Variants in TRIM69 observed in about 807,000 individuals in gnomAD.
TRIM69 encodes the protein tripartite motif containing 69, also known as E3 ubiquitin-protein ligase TRIM69.
A neutral mutation model predicts 37.7 loss-of-function variants in TRIM69; 29 were observed. The observed-to-expected ratio is 0.77, with a 90% CI of 0.57 to 1.05. The LOEUF is 1.05. Among genes scored for constraint, TRIM69 ranks in the 50% least tolerant of loss-of-function variants. The probability of loss-of-function intolerance (pLI) is 0.00; values close to 1 mark genes in which losing one functional copy is unlikely to be tolerated. For missense variants in TRIM69, 596 were observed against 579.9 expected (o/e 1.03, Z -0.28); for synonymous variants, 209 against 212.4 (o/e 0.98, Z 0.14).
intron 3 of TRIM69, 119 bp downstream of exon 3, chr15:44,756,582 T>C: frequency 1.5e-6 from 1 of 651,902 alleles, no homozygotes; most frequent in Non-Finnish European, 2.6e-6. Context: ...GTACCTAGGC[T>C]ATGGAATTGG....
intron 1 of TRIM69, among the ~76,000 whole-genome samples, chr15:44,739,072 G>C (rs1157051636): frequency 6.6e-6 from 1 of 152,102 alleles, no homozygotes; most frequent in East Asian, 1.9e-4. Context: ...ACAATTCAGT[G>C]ATTTATAGCA....
chr15:44,749,367 C>A (rs764541809), intron 1 of TRIM69, among the ~76,000 whole-genome samples: 1 of 152,164 alleles, frequency 6.6e-6, no homozygotes, highest in African/African-American at 2.4e-5. Context: ...CAGTCACTTC[C>A]AGTGATATGA....
At chr15:44,746,986 G>A (rs1016730791) in intron 1 of TRIM69, among the ~76,000 whole-genome samples, 5 of 152,148 alleles carry the variant, frequency 3.3e-5, no homozygotes, top group South Asian at 2.1e-4. Context: ...TATGAGGAAG[G>A]ACTGCCAAAT....
In TRIM69 at chr15:44,738,050, C is replaced by CTTT. The variant is rs772041054; in HGVS notation, c.6+1341_6+1343dup. ...AAGGAGGAAGATACATACTTTCTTT[C>CTTT]TTTCTTTTTTTTTTTTTTTTTTTTT... On this transcript the variant is annotated intron_variant, in intron 1 of 6. Transcript: ENST00000329464. Among the ~76,000 whole-genome samples the CTTT allele has an allele frequency of 2.0e-4, 24 of 118,000 alleles. 1 individual carries two copies. The highest frequency in any genetic ancestry group is 8.0e-4 in the African/African-American group (24 of 30,108). The allele number at this position is 118,000 out of a possible 152,430, so 77.4% of individuals were successfully genotyped here.
chr15:44,755,734 T>G (rs1422803123), intron 2 of TRIM69, among the ~76,000 whole-genome samples: 1 of 152,252 alleles, frequency 6.6e-6, no homozygotes, highest in African/African-American at 2.4e-5. Flanking sequence ...AATATTAAGA[T>G]AGCCTCGTGT....
intron 6 of TRIM69, among the ~76,000 whole-genome samples, chr15:44,766,943 C>T (rs539565514): frequency 1.0e-3 from 155 of 147,928 alleles, no homozygotes; most frequent in African/African-American, 3.7e-3. Context: ...CCTGTAATCC[C>T]AGCTATTTGG....
Position 44,755,338 on chromosome 15 carries a change from G to A in TRIM69, c.445G>A (p.Glu149Lys). The A allele has an allele frequency of 1.2e-6, 2 of 1,613,872 alleles. No homozygotes were observed. The highest frequency in any genetic ancestry group is 1.7e-6 in the Non-Finnish European group (2 of 1,180,000). The change falls in exon 2 of 7, where the codon GAG becomes AAG. Residue 149 changes from glutamate (E) to lysine (K), a missense_variant. Coordinates refer to ENST00000329464, the MANE Select transcript of TRIM69 (RefSeq NM_182985.5). The stretch of plus-strand genomic sequence containing the variant: ...TCGGTTGTCTGTGGGGCAGTCTAAG[G>A]AGTTCCTGCAAATCTCTGATGCTGT... ...DARLSVGQSK[E>K]FLQISDAVHF...
Position 44,759,652 on chromosome 15 carries a change from C to A in TRIM69, c.826C>A (p.Leu276Ile), listed in dbSNP as rs1245378997. 1.9e-6 allele frequency: 3 copies of A among 1,614,090 alleles called. No homozygotes were observed. The highest frequency in any genetic ancestry group is 2.5e-6 in the Non-Finnish European group (3 of 1,179,958). The change falls in exon 5 of 7, where the codon CTC becomes ATC. Residue 276 changes from leucine to isoleucine, a missense_variant. Physicochemically the swap from Leu to Ile is conservative, Grantham distance 5 (BLOSUM62 2). Coordinates refer to ENST00000329464, the MANE Select transcript of TRIM69 (RefSeq NM_182985.5). ...TCCTTTCTTCTAGGACATCACAACT[C>A]TCTTACATAGGTAAGTGTTTCCCTA... is the stretch of plus-strand genomic sequence containing the variant. ...SFDFLKDITTLLHSLEQGMKV... is the reference protein window; with the variant it reads ...SFDFLKDITTILHSLEQGMKV...
In TRIM69 at chr15:44,755,154, T is replaced by A; in HGVS notation, c.261T>A (p.Tyr87Ter). 1 of 1,614,230 alleles carries A rather than the reference T, an allele frequency of 6.2e-7. No homozygotes were observed. Among genetic ancestry groups the A allele is most frequent in the Non-Finnish European group, 8.5e-7 (1 of 1,180,050 alleles). Reference sequence around the variant, plus strand: ...CTGAGTGTAAGATGCTATGTCAGTATAACAACTGTACATTCAACCCTGTAC... The same window carrying A: ...CTGAGTGTAAGATGCTATGTCAGTAAAACAACTGTACATTCAACCCTGTAC... ...FCPECKMLCQ[Y>*]NNCTFNPVLD... The change falls in exon 2 of 7, where the codon TAT becomes TAA. Residue 87 changes from tyrosine to a stop codon, truncating the protein, a stop_gained. Transcript: ENST00000329464. LOFTEE classifies it high-confidence loss of function.
intron 1 of TRIM69, among the ~76,000 whole-genome samples, chr15:44,741,900 T>A (rs1167842840): frequency 1.3e-5 from 2 of 152,186 alleles, no homozygotes; most frequent in African/African-American, 4.8e-5. Flanking sequence ...AAGGAGGAAC[T>A]GGTACCATTC....
intron 4 of TRIM69, among the ~76,000 whole-genome samples, chr15:44,759,277 T>C (rs1205662367): frequency 1.3e-5 from 2 of 152,194 alleles, no homozygotes; most frequent in Non-Finnish European, 2.9e-5. Context: ...TTGGTTACCA[T>C]CTCAGCACTC....
intron 1 of TRIM69, among the ~76,000 whole-genome samples, chr15:44,741,999 G>A (rs1019692993): frequency 6.6e-6 from 1 of 152,154 alleles, no homozygotes; most frequent in Non-Finnish European, 1.5e-5. Context: ...CCAAAGCCGG[G>A]CAGAGACACA....
intron 1 of TRIM69, among the ~76,000 whole-genome samples, chr15:44,752,284 G>A (rs1235835599): frequency 6.6e-6 from 1 of 151,988 alleles, no homozygotes; most frequent in East Asian, 1.9e-4. Flanking sequence ...CACGTATTTT[G>A]AGGCTCTGTT....
chr15:44,739,684 C>A (rs1296416996), intron 1 of TRIM69, among the ~76,000 whole-genome samples: 1 of 151,982 alleles, frequency 6.6e-6, no homozygotes, highest in Non-Finnish European at 1.5e-5. Flanking sequence ...GGGAGGGGCG[C>A]CCACCATTGC....
At chr15:44,761,941 C>T (rs1329905531) in intron 6 of TRIM69, among the ~76,000 whole-genome samples, 1 of 152,086 alleles carries the variant, frequency 6.6e-6, no homozygotes, top group Non-Finnish European at 1.5e-5. Context: ...TTTTTTCTCA[C>T]TCCATGGCTT....
chr15:44,762,510 G>C (rs1489133271), intron 6 of TRIM69, among the ~76,000 whole-genome samples: 3 of 151,786 alleles, frequency 2.0e-5, no homozygotes, highest in Non-Finnish European at 4.4e-5. Context: ...TAGACAACTT[G>C]ATATTGTCAA....
chr15:44,759,900 T>G (rs1445292581), intron 6 of TRIM69, 28 bp downstream of exon 6: 1 of 1,595,348 alleles, frequency 6.3e-7, no homozygotes, highest in East Asian at 2.3e-5. Flanking sequence ...CTATTGGTTC[T>G]TGAGGCTCCT....
Position 44,767,032 on chromosome 15 carries a change from C to T in TRIM69, c.962-199C>T, listed in dbSNP as rs555677288. Among the ~76,000 whole-genome samples, 4 of 110,452 alleles carry T rather than the reference C, an allele frequency of 3.6e-5. No homozygotes were observed. In the East Asian group the frequency reaches 1.1e-3, roughly 31 times the overall value. 72.5% of individuals were successfully genotyped at this position (110,452 alleles called of 152,430 possible). A position where few individuals can be genotyped will look rare whatever the true frequency, so the allele number is the denominator to read the frequency against. On this transcript the variant is annotated intron_variant, in intron 6 of 6. Transcript: ENST00000329464. ...CGAGATCGCACCACTGCACTCCAGCCCTGGGCAACCTTGTCTGCCTCAAAA... is the reference window on the plus strand; with the variant it reads ...CGAGATCGCACCACTGCACTCCAGCTCTGGGCAACCTTGTCTGCCTCAAAA...
chr15:44,750,950 C>CTTTTT (rs71111890), intron 1 of TRIM69, among the ~76,000 whole-genome samples: 3 of 33,550 alleles, frequency 8.9e-5, no homozygotes, highest in African/African-American at 3.7e-4. Context: ...TTTCTTTTGC[C>CTTTTT]TTTTTTTTTT....
Sources: allele counts gnomAD v4.1 joint callset (sites outside exome capture counted in the v4.1 genomes callset), GRCh38; gene constraint gnomAD v4.1.1; transcripts MANE v1.5; gene names NCBI Gene and HGNC (gene_info 2026-07-23, HGNC 2026-07-21).